BEST1: variants seen among roughly 807,000 people sequenced by gnomAD.
BEST1 encodes bestrophin-1.
Under a neutral mutation model 63.3 loss-of-function variants are expected in BEST1, and 58 were observed. The observed-to-expected ratio is 0.92, with a 90% CI of 0.74 to 1.14. BEST1 has a LOEUF of 1.14. Ranked by LOEUF, BEST1 falls within the 50% of genes most tolerant of loss-of-function variation. The probability of loss-of-function intolerance (pLI) is 0.00; values close to 1 mark genes in which losing one functional copy is unlikely to be tolerated. For synonymous variants in BEST1, 283 were observed against 291.6 expected, an observed-to-expected ratio of 0.97 and a Z score of 0.30; for missense variants, 671 against 740.1, an observed-to-expected ratio of 0.91 and a Z score of 1.08.
chr11:61,962,181 G>A (rs997871254), intron 9 of BEST1, 74 bp from the exon 10 acceptor site: 2 of 1,535,222 alleles, frequency 1.3e-6, no homozygotes, highest in Non-Finnish European at 1.8e-6. Context: ...GAGGAGCGGG[G>A]GTAAGGGAGA....
chr11:61,954,746 G>A (rs367860740), intron 2 of BEST1: 13 of 966,794 alleles, frequency 1.3e-5, no homozygotes, highest in Non-Finnish European at 1.6e-5. Flanking sequence ...CACCGTGCCC[G>A]TCCCAAACAC....
In BEST1 at chr11:61,958,202, T is replaced by G; in HGVS notation, c.771T>G (p.Phe257Leu). The G allele has an allele frequency of 1.2e-6, 2 of 1,614,152 alleles. No homozygotes were observed. The highest frequency in any genetic ancestry group is 1.7e-6 in the Non-Finnish European group (2 of 1,180,032). ...TGACTTGTCTAGTTGGGCGGCAGTT[T>G]CTGAACCCAGCCAAGGCCTACCCTG... Reference protein sequence around the residue: ...FFLTCLVGRQFLNPAKAYPGH... With the variant: ...FFLTCLVGRQLLNPAKAYPGH... Residue 257 changes from phenylalanine (F) to leucine (L), a missense_variant, in exon 7 of 11, where the codon TTT becomes TTG. Physicochemically the swap from Phe to Leu is conservative, Grantham distance 22. Transcript: ENST00000378043.
intron 9 of BEST1, 130 bp downstream of exon 9, chr11:61,960,173 T>C: frequency 2.4e-6 from 3 of 1,233,658 alleles, no homozygotes; most frequent in Admixed American, 4.8e-5. Context: ...CTATGCTCTT[T>C]ATAAACATTA....
chr11:61,963,191 C>T (rs1384009623), intron 10 of BEST1: 1 of 1,434,670 alleles, frequency 7.0e-7, no homozygotes, highest in Non-Finnish European at 9.2e-7. Context: ...TGCCCCAGGG[C>T]TGACAGGCCA....
chr11:61,964,924 A>G (rs1436568441), downstream of BEST1: 1 of 1,613,574 alleles, frequency 6.2e-7, no homozygotes. Context: ...GTTAGTGGGC[A>G]GCTTTCCCAA....
downstream of BEST1, chr11:61,964,857 T>C (rs759829740): frequency 1.2e-6 from 2 of 1,603,678 alleles, no homozygotes; most frequent in East Asian, 2.2e-5. Flanking sequence ...TTTCACCTGC[T>C]CATTCAGGTA....
At position 61,955,825 on chromosome 11, in the gene BEST1, G is replaced by C. The variant is rs1805142; in HGVS notation, c.355G>C (p.Glu119Gln). Residue 119 changes from glutamate (E) to glutamine (Q), a missense_variant, in exon 4 of 11, where the codon GAG becomes CAG. Glu to Gln is a conservative substitution (Grantham distance 29). Transcript: ENST00000378043. The part of the protein sequence containing the change: ...LVSGFVEGKD[E>Q]QGRLLRRTLI... Reference sequence around the variant, plus strand: ...GTCGGGCTTCGTCGAAGGCAAGGACGAGCAAGGCCGGCTGCTGCGGCGCAC... The same window carrying C: ...GTCGGGCTTCGTCGAAGGCAAGGACCAGCAAGGCCGGCTGCTGCGGCGCAC... The C allele has an allele frequency of 2.0e-5, 31 of 1,550,448 alleles. No homozygotes were observed. The highest frequency in any genetic ancestry group is 2.5e-5 in the Non-Finnish European group (29 of 1,146,924).
chr11:61,964,868 A>G (rs763591193), downstream of BEST1: 3 of 1,605,366 alleles, frequency 1.9e-6, no homozygotes, highest in Non-Finnish European at 2.5e-6. Context: ...CATTCAGGTA[A>G]TGTGTCTCAA....
At chr11:61,951,666 G>T in intron 1 of BEST1, 105 bp from the exon 2 acceptor site, 1 of 1,171,690 alleles carries the variant, frequency 8.5e-7, no homozygotes, top group Non-Finnish European at 1.2e-6. Context: ...CACCTCCTAG[G>T]GTCCCTATGG....
chr11:61,956,333 C>T (rs1941356758), intron 4 of BEST1, among the ~76,000 whole-genome samples: 2 of 152,154 alleles, frequency 1.3e-5, no homozygotes, highest in Admixed American at 1.3e-4. Context: ...CCCCCTCAGC[C>T]TGGCCTGACC....
At position 61,955,724 on chromosome 11, in the gene BEST1, A is replaced by G; in HGVS notation, c.254A>G (p.Tyr85Cys). 6.5e-7 allele frequency: 1 copy of G among 1,547,562 alleles called. No individual in the cohort carries two copies. The part of the protein sequence containing the change: ...LIPISFVLGF[Y>C]VTLVVTRWWN... ...CCCCGCCCCTCCTGCCCAGGCTTCT[A>G]CGTGACGCTGGTCGTGACCCGCTGG... Residue 85 changes from tyrosine (Y) to cysteine (C), a missense_variant, in exon 4 of 11, where the codon TAC (tyrosine) becomes TGC (cysteine). Tyr to Cys is a radical substitution (Grantham distance 194). Coordinates refer to ENST00000378043, the MANE Select transcript of BEST1 (RefSeq NM_004183.4).
Position 61,964,415 on chromosome 11 carries a change from T to C in BEST1, c.*293T>C, listed in dbSNP as rs756884770. 1.3e-3 allele frequency: 814 copies of C among 625,414 alleles called. 7 individuals carry two copies. The highest frequency in any genetic ancestry group is 6.7e-4 in the Non-Finnish European group (244 of 363,208). 38.7% of individuals were successfully genotyped at this position (625,414 alleles called of 1,614,324 possible). On this transcript the variant is annotated 3_prime_UTR_variant, in exon 11 of 11. Transcript: ENST00000378043. ...ATCTGAATCCAAGACAGCCACACCT[T>C]AGTATACTGCCCAAACTAATGAGTT...
At chr11:61,959,296 AAG>A in intron 7 of BEST1, 200 bp from the exon 8 acceptor site, 4 of 629,534 alleles carry the variant, frequency 6.4e-6, no homozygotes, top group Non-Finnish European at 1.2e-5. Flanking sequence ...ACTGGCTCAG[AAG>A]AGTTAGAGGG....
At chr11:61,955,592 G>A (rs978050490) in intron 3 of BEST1, 126 bp from the exon 4 acceptor site, 1 of 1,174,388 alleles carries the variant, frequency 8.5e-7, no homozygotes, top group Admixed American at 2.5e-5. Flanking sequence ...CGCCTTCCAG[G>A]AGGGCTGGGG....
At chr11:61,953,266 G>A (rs1940901814) in intron 2 of BEST1, among the ~76,000 whole-genome samples, 1 of 151,782 alleles carries the variant, frequency 6.6e-6, no homozygotes, top group African/African-American at 2.4e-5. Flanking sequence ...TTTTTACTAG[G>A]GCACCAAGGT....
intron 4 of BEST1, 92 bp downstream of exon 4, chr11:61,956,043 C>A: frequency 7.8e-7 from 1 of 1,279,728 alleles, no homozygotes; most frequent in Non-Finnish European, 1.1e-6. Context: ...AGCCAAAGTC[C>A]CCCGGACTCG....
At chr11:61,954,166 C>T (rs1327050168) in intron 2 of BEST1, among the ~76,000 whole-genome samples, 1 of 152,126 alleles carries the variant, frequency 6.6e-6, no homozygotes, top group South Asian at 2.1e-4. Context: ...TTTAGGTTCA[C>T]AGCAAAATTG....
At chr11:61,956,011 G>T in intron 4 of BEST1, 60 bp downstream of exon 4, 1 of 1,474,628 alleles carries the variant, frequency 6.8e-7, no homozygotes. Flanking sequence ...AGATGGGCGC[G>T]GCAGGAATGG....
chr11:61,955,042 C>G (rs1941125832), intron 2 of BEST1, 65 bp from the exon 3 acceptor site: 1 of 1,604,862 alleles, frequency 6.2e-7, no homozygotes, highest in Non-Finnish European at 8.5e-7. Context: ...CGGGCTAGAC[C>G]TGGGGACAGT....
Sources: allele counts gnomAD v4.1 joint callset (sites outside exome capture counted in the v4.1 genomes callset), GRCh38; gene constraint gnomAD v4.1.1; transcripts MANE v1.5; gene names NCBI Gene and HGNC (gene_info 2026-07-23, HGNC 2026-07-21).